RECQL5: variants seen among roughly 807,000 people sequenced by gnomAD.
The protein encoded by RECQL5 is ATP-dependent DNA helicase Q5.
RECQL5 carries 88 observed loss-of-function variants against 103.4 expected under a neutral mutation model. The observed-to-expected ratio is 0.85, with a 90% CI of 0.72 to 1.02. The LOEUF is 1.02. Ranked by LOEUF, RECQL5 falls within the 50% of genes least tolerant of loss-of-function variation. The probability of loss-of-function intolerance (pLI) is 0.00; values close to 1 mark genes in which losing one functional copy is unlikely to be tolerated. For synonymous variants in RECQL5, 552 were observed against 507.9 expected, an observed-to-expected ratio of 1.09 and a Z score of -1.17; for missense variants, 1,232 against 1,284.3, an observed-to-expected ratio of 0.96 and a Z score of 0.62.
chr17:75,666,990 C>G (rs973129798), intron 1 of RECQL5, 54 bp downstream of exon 1: 1 of 261,202 alleles, frequency 3.8e-6, no homozygotes, highest in African/African-American at 2.3e-5. Flanking sequence ...AGCCCAAGAT[C>G]CGCAATTTTC....
At position 75,660,904 on chromosome 17, in the gene RECQL5, C is replaced by T. The variant is rs779549309; in HGVS notation, c.986+51G>A. The T allele has an allele frequency of 1.1e-4, 150 of 1,370,858 alleles. 1 individual carries two copies. Among genetic ancestry groups the T allele is most frequent in the Middle Eastern group, 1.8e-4 (1 of 5,658 alleles). 84.9% of individuals were successfully genotyped at this position (1,370,858 alleles called of 1,614,324 possible). A position where few individuals can be genotyped will look rare whatever the true frequency, so the allele number is the denominator to read the frequency against. ...CCTTTGGGCACAGCACTAGGCAATCCACCCTGAGCCAGGCCCAGACCAGGA... is the reference window on the plus strand; with the variant it reads ...CCTTTGGGCACAGCACTAGGCAATCTACCCTGAGCCAGGCCCAGACCAGGA... On this transcript the variant is annotated intron_variant, in intron 6 of 19. Coordinates refer to ENST00000317905, the MANE Select transcript of RECQL5 (RefSeq NM_004259.7).
At chr17:75,647,176 G>C (rs57118784) in intron 8 of RECQL5, among the ~76,000 whole-genome samples, 69 of 152,312 alleles carry the variant, frequency 4.5e-4, no homozygotes, top group African/African-American at 1.5e-3. Flanking sequence ...TATCTAGAGC[G>C]GGGGAAATGC....
At chr17:75,629,548 TAA>T in intron 15 of RECQL5, 73 bp from the exon 16 acceptor site, 1 of 1,497,170 alleles carries the variant, frequency 6.7e-7, no homozygotes, top group Non-Finnish European at 8.9e-7. Context: ...GCTGGAGCAG[TAA>T]CTCACATTGG....
intron 8 of RECQL5, chr17:75,650,318 G>A: frequency 9.5e-7 from 1 of 1,052,094 alleles, no homozygotes; most frequent in Non-Finnish European, 1.1e-6. Context: ...CCGACTCACT[G>A]GTCAACAGGA....
chr17:75,627,768 C>G lies in RECQL5; in HGVS notation c.2806-76G>C. The G allele has an allele frequency of 2.9e-6, 4 of 1,373,772 alleles. No individual in the cohort carries two copies. The South Asian group carries it at 5.0e-5, about 17-fold the overall frequency. 85.1% of individuals were successfully genotyped at this position (1,373,772 alleles called of 1,614,324 possible). A position where few individuals can be genotyped will look rare whatever the true frequency, so the allele number is the denominator to read the frequency against. ...GGCGCAGTGGCTCACGCCTGTAATC[C>G]CAGCACTTTGGGAGGCCGAGGCGGG... On this transcript the variant is annotated intron_variant, in intron 18 of 19. Transcript: ENST00000317905.
At chr17:75,659,042 T>C (rs1280393919) in intron 6 of RECQL5, among the ~76,000 whole-genome samples, 1 of 152,018 alleles carries the variant, frequency 6.6e-6, no homozygotes, top group South Asian at 2.1e-4. Context: ...CCAGGATTCA[T>C]TTTATTTATT....
chr17:75,628,199 G>A lies in RECQL5; in HGVS notation c.2805+19C>T. On this transcript the variant is annotated intron_variant, in intron 18 of 19. Coordinates refer to ENST00000317905, the MANE Select transcript of RECQL5 (RefSeq NM_004259.7). ...TACCCCAGGCATGGGAGAAGGCAGA[G>A]CCCACTCACTCCCCCTACCTTGGAA... The A allele has an allele frequency of 6.3e-7, 1 of 1,598,928 alleles. No homozygotes were observed. Among genetic ancestry groups the A allele is most frequent in the Non-Finnish European group, 8.6e-7 (1 of 1,166,436 alleles).
At chr17:75,653,830 G>C (rs1462731154) in intron 7 of RECQL5, among the ~76,000 whole-genome samples, 1 of 151,946 alleles carries the variant, frequency 6.6e-6, no homozygotes, top group Non-Finnish European at 1.5e-5. Context: ...CCTGGGAGAT[G>C]GAGAATGCAG....
In RECQL5 at chr17:75,665,147, C is replaced by A; in HGVS notation, c.156G>T (p.Met52Ile). 6 of 1,611,288 alleles carry A rather than the reference C, an allele frequency of 3.7e-6. No homozygotes were observed. Among genetic ancestry groups the A allele is most frequent in the South Asian group, 1.1e-5 (1 of 90,422 alleles). The change falls in exon 3 of 20, where the codon ATG becomes ATT. Residue 52 changes from methionine (M) to isoleucine (I), a missense_variant. Met to Ile is a conservative substitution (Grantham distance 10). Coordinates refer to ENST00000317905, the MANE Select transcript of RECQL5 (RefSeq NM_004259.7). Reference protein sequence around the residue: ...VKGNKDVFVCMPTGAGKSLCY... With the variant: ...VKGNKDVFVCIPTGAGKSLCY... ...ATAGGGATTTTCCTGCCCCTGTGGG[C>A]ATGCACACAAAGACGTCCTTGTTAC...
At position 75,628,166 on chromosome 17, in the gene RECQL5, C is replaced by T. The variant is rs369505055; in HGVS notation, c.2805+52G>A. The T allele has an allele frequency of 3.0e-5, 44 of 1,460,054 alleles. No homozygotes were observed. In the African/African-American group the frequency reaches 5.0e-4, roughly 17 times the overall value. The allele number at this position is 1,460,054 out of a possible 1,614,324, so 90.4% of individuals were successfully genotyped here. ...AACTCCCTGCCTCCCACCCCCACTA[C>T]ACCCACATACCCCAGGCATGGGAGA... On this transcript the variant is annotated intron_variant, in intron 18 of 19. Coordinates refer to ENST00000317905, the MANE Select transcript of RECQL5 (RefSeq NM_004259.7).
Position 75,628,319 on chromosome 17 carries a change from G to T in RECQL5, c.2704C>A (p.Pro902Thr). 6.2e-7 allele frequency: 1 copy of T among 1,614,146 alleles called. No homozygotes were observed. Among genetic ancestry groups the T allele is most frequent in the Non-Finnish European group, 8.5e-7 (1 of 1,180,030 alleles). ...ACGCCAGGAGCGGAGAGCTGGAAGGGGTCTTGAGCCGTGGGATTCAAGGTG... is the reference window on the plus strand; with the variant it reads ...ACGCCAGGAGCGGAGAGCTGGAAGGTGTCTTGAGCCGTGGGATTCAAGGTG... ...QGTLNPTAQD[P>T]FQLSAPGVSL... is the part of the protein sequence containing the mutation. Residue 902 changes from proline (P) to threonine (T), a missense_variant, in exon 18 of 20, where the codon CCC becomes ACC. Transcript: ENST00000317905.
chr17:75,631,229 C>A lies in RECQL5; in HGVS notation c.1469G>T (p.Gly490Val), dbSNP rs756694533. Residue 490 changes from glycine to valine, a missense_variant, in exon 10 of 20, where the codon GGC (glycine) becomes GTC (valine). Coordinates refer to ENST00000317905, the MANE Select transcript of RECQL5 (RefSeq NM_004259.7). Reference protein sequence around the residue: ...DFSRYDEGSGGSGDEGRDEAH... With the variant: ...DFSRYDEGSGVSGDEGRDEAH... ...CTCATCTCTGCCTTCATCCCCGCTG[C>A]CTCCAGAACCTTCGTCATACCTAGG... The A allele has an allele frequency of 6.2e-7, 1 of 1,613,800 alleles. No individual in the cohort carries two copies. The highest frequency in any genetic ancestry group is 1.3e-5 in the African/African-American group (1 of 74,960).
In RECQL5 at chr17:75,666,451, C is replaced by G. The variant is rs746223130; in HGVS notation, c.107G>C (p.Ser36Thr). 2.5e-6 allele frequency: 4 copies of G among 1,614,062 alleles called. No homozygotes were observed. The highest frequency in any genetic ancestry group is 2.2e-5 in the South Asian group (2 of 91,062). Reference protein sequence around the residue: ...FDSFKTPLQESATMAVVKGNK... With the variant: ...FDSFKTPLQETATMAVVKGNK... ...ACCTTTTACTACAGCCATGGTCGCACTCTCCTGTAAAGGCGTCTTAAAAGA... is the reference window on the plus strand; with the variant it reads ...ACCTTTTACTACAGCCATGGTCGCAGTCTCCTGTAAAGGCGTCTTAAAAGA... Residue 36 changes from serine (S) to threonine (T), a missense_variant, in exon 2 of 20, where the codon AGT (serine) becomes ACT (threonine). Ser to Thr is a moderately conservative substitution (Grantham distance 58). Transcript: ENST00000317905.
chr17:75,650,874 C>T (rs1007898684), intron 8 of RECQL5: 13 of 1,460,368 alleles, frequency 8.9e-6, no homozygotes, highest in African/African-American at 1.4e-5. Flanking sequence ...ACCACAAAGC[C>T]GATGGCTCAG....
At chr17:75,628,000 C>G (rs1474285639) in intron 18 of RECQL5, among the ~76,000 whole-genome samples, 1 of 142,510 alleles carries the variant, frequency 7.0e-6, no homozygotes, top group Non-Finnish European at 1.5e-5. Flanking sequence ...GCCTGGGCGA[C>G]AGAGATAAAA....
At position 75,629,190 on chromosome 17, in the gene RECQL5, G is replaced by A. The variant is rs375398949; in HGVS notation, c.2233C>T (p.Arg745Trp). ...SSGGSSLAKG[R>W]ASKKQQLLAT... ...AGGAGCTGCTGTTTCTTGCTAGCCC[G>A]GCCCTTGGCAAGGGAGCTGCCCCCA... The change falls in exon 16 of 20, where the codon CGG becomes TGG. Residue 745 changes from arginine to tryptophan, a missense_variant. Arg to Trp is a moderately radical substitution (Grantham distance 101, BLOSUM62 -3). Coordinates refer to ENST00000317905, the MANE Select transcript of RECQL5 (RefSeq NM_004259.7). 6.1e-5 allele frequency: 98 copies of A among 1,613,482 alleles called. No homozygotes were observed. Among genetic ancestry groups the A allele is most frequent in the South Asian group, 5.2e-4 (47 of 91,090 alleles).
rs1555706003 is a variant in RECQL5 at position 75,630,843 on chromosome 17, G to GTC, written c.1586-7_1586-6insGA. On this transcript the variant is annotated splice_region_variant and splice_polypyrimidine_tract_variant and intron_variant, in intron 11 of 19. Coordinates refer to ENST00000317905, the MANE Select transcript of RECQL5 (RefSeq NM_004259.7). Reference sequence around the variant, plus strand: ...TTTCAGGGGACAGTTCTCATCTGTGGGGGGGGGGGGTGGTCCTTGGTCCTT... The same window carrying GTC: ...TTTCAGGGGACAGTTCTCATCTGTGGTCGGGGGGGGGGTGGTCCTTGGTCCTT... The GTC allele has an allele frequency of 1.4e-5, 18 of 1,311,208 alleles. 1 individual carries two copies. Among genetic ancestry groups the GTC allele is most frequent in the Admixed American group, 2.5e-5 (1 of 40,338 alleles). 81.2% of individuals were successfully genotyped at this position (1,311,208 alleles called of 1,614,324 possible).
In RECQL5 at chr17:75,639,142, G is replaced by A. The variant is rs912984020; in HGVS notation, c.1230-7474C>T. On this transcript the variant is annotated intron_variant, in intron 8 of 19. Transcript: ENST00000317905. ...TCTAAACCAGCTCTGCCAAGGCAGC[G>A]GCACCGGGAGTGACTGGCCTCACTG... 6 of 152,330 alleles carry A rather than the reference G, an allele frequency of 3.9e-5. No individual in the cohort carries two copies. The East Asian group carries it at 9.6e-4, about 24-fold the overall frequency. The allele number at this position is 152,330 out of a possible 1,614,324, so 9.4% of individuals were successfully genotyped here.
intron 13 of RECQL5, 102 bp downstream of exon 13, chr17:75,630,517 T>A (rs1241314774): frequency 1.7e-5 from 21 of 1,250,198 alleles, no homozygotes; most frequent in Admixed American, 7.0e-5. Flanking sequence ...AGGTACAATC[T>A]GGGGAGAGGT....
Sources: allele counts gnomAD v4.1 joint callset (sites outside exome capture counted in the v4.1 genomes callset), GRCh38; gene constraint gnomAD v4.1.1; transcripts MANE v1.5; gene names NCBI Gene and HGNC (gene_info 2026-07-23, HGNC 2026-07-21).